CACNA1C: variants seen among roughly 807,000 people sequenced by gnomAD.
The protein encoded by CACNA1C is calcium voltage-gated channel subunit alpha1 C.
A neutral mutation model predicts 229.0 loss-of-function variants in CACNA1C; 30 were observed. That is an observed-to-expected ratio of 0.13 (90% CI 0.10 to 0.18). CACNA1C has a LOEUF of 0.18. Ranked by LOEUF, CACNA1C falls within the 10% of genes least tolerant of loss-of-function variation. CACNA1C has a pLI of 1.00. For missense variants in CACNA1C, 1,658 were observed against 2,845.0 expected, an observed-to-expected ratio of 0.58 and a Z score of 9.49; for synonymous variants, 1,114 against 1,132.5, an observed-to-expected ratio of 0.98 and a Z score of 0.33.
chr12:2,606,117 A>G (rs1240979024), intron 24 of CACNA1C, among the ~76,000 whole-genome samples: 2 of 152,198 alleles, frequency 1.3e-5, no homozygotes, highest in East Asian at 3.9e-4. Context: ...GCGGTGACCT[A>G]TTATCAACAG....
chr12:2,613,931 G>A (rs1339940336), intron 29 of CACNA1C: 1 of 152,286 alleles, frequency 6.6e-6, no homozygotes, highest in Non-Finnish European at 1.5e-5. Flanking sequence ...ATATTTCAAA[G>A]CCTTGAGTCA....
rs993543380 is a variant in CACNA1C, at chr12:2,181,156, G to A, written c.477+60726G>A. Among the ~76,000 whole-genome samples, 1 of 152,134 alleles carries A rather than the reference G, an allele frequency of 6.6e-6. No individual in the cohort carries two copies. On this transcript the variant is annotated intron_variant, in intron 3 of 46. Coordinates refer to ENST00000399655, the MANE Select transcript of CACNA1C (RefSeq NM_000719.7). The surrounding 1 kb of genome is among the most constrained non-coding windows in gnomAD (Gnocchi z 4.0). ...TAGCATAGTGCCTGTGGACAGGAGA[G>A]CCCAGTCCGTGACGGCGGTAACAAT...
At position 2,654,010 on chromosome 12, in the gene CACNA1C, A is replaced by G; in HGVS notation, c.4140+110A>G. 1.2e-6 allele frequency: 1 copy of G among 857,662 alleles called. No individual in the cohort carries two copies. The highest frequency in any genetic ancestry group is 1.9e-6 in the Non-Finnish European group (1 of 535,038). The allele number at this position is 857,662 out of a possible 1,614,324, so 53.1% of individuals were successfully genotyped here. A position where few individuals can be genotyped will look rare whatever the true frequency, so the allele number is the denominator to read the frequency against. ...CCCTCCCTTCTCCCTTTCATTCCTGACTGTCCCTCTCCCTCCTCTTCCATT... is the reference window on the plus strand; with the variant it reads ...CCCTCCCTTCTCCCTTTCATTCCTGGCTGTCCCTCTCCCTCCTCTTCCATT... On this transcript the variant is annotated intron_variant, in intron 33 of 46. Transcript: ENST00000399655. This position sits in a 1 kb window ranked among gnomAD's most constrained non-coding sequence, Gnocchi z 4.4.
intron 3 of CACNA1C, among the ~76,000 whole-genome samples, chr12:2,160,826 T>C (rs2095817547): frequency 6.6e-6 from 1 of 152,170 alleles, no homozygotes; most frequent in South Asian, 2.1e-4. Flanking sequence ...TTTTATTTTA[T>C]TATTATTATT....
At chr12:2,475,973 A>G (rs944049210) in intron 5 of CACNA1C, among the ~76,000 whole-genome samples, 4 of 152,204 alleles carry the variant, frequency 2.6e-5, no homozygotes, top group Non-Finnish European at 4.4e-5. Context: ...CCTTTCTTGC[A>G]TCTTTTGTAT....
At chr12:2,397,308 C>T (rs1329239972) in intron 3 of CACNA1C, among the ~76,000 whole-genome samples, 3 of 152,162 alleles carry the variant, frequency 2.0e-5, no homozygotes, top group Non-Finnish European at 4.4e-5. Flanking sequence ...AATCGAAGTC[C>T]TTGAGTGGTA....
chr12:2,420,477 C>T (rs148007536), intron 3 of CACNA1C, among the ~76,000 whole-genome samples: 14 of 152,310 alleles, frequency 9.2e-5, no homozygotes, highest in Middle Eastern at 3.4e-3. Context: ...TTTCTCCCTG[C>T]ATGCTGTAAC....
intron 9 of CACNA1C, among the ~76,000 whole-genome samples, chr12:2,548,449 A>C (rs2099886869): frequency 6.6e-6 from 1 of 152,154 alleles, no homozygotes; most frequent in Non-Finnish European, 1.5e-5. Flanking sequence ...CTACTTGAAC[A>C]CACCATATGA....
intron 3 of CACNA1C, among the ~76,000 whole-genome samples, chr12:2,389,276 A>G (rs781278692): frequency 6.6e-6 from 1 of 151,196 alleles, no homozygotes. Flanking sequence ...TCACCGGTGC[A>G]CTTGGCAAGC....
chr12:2,141,307 T>C (rs1196481194), intron 3 of CACNA1C, among the ~76,000 whole-genome samples: 1 of 151,176 alleles, frequency 6.6e-6, no homozygotes, highest in East Asian at 1.9e-4. Context: ...GTAGCAGAGA[T>C]AGGCGAGGGT....
Position 2,633,726 on chromosome 12 carries a change from T to C in CACNA1C, c.3829-571T>C. On this transcript the variant is annotated intron_variant, in intron 29 of 46. Coordinates refer to ENST00000399655, the MANE Select transcript of CACNA1C (RefSeq NM_000719.7). This position sits in a 1 kb window ranked among gnomAD's most constrained non-coding sequence, Gnocchi z 5.8. ...AGTGAGACTAATGTGAGTATTACTCTGCCCTCCCCAGGAAACCTCCTCATT... is the reference window on the plus strand; with the variant it reads ...AGTGAGACTAATGTGAGTATTACTCCGCCCTCCCCAGGAAACCTCCTCATT... The C allele has an allele frequency of 1.4e-6, 2 of 1,475,634 alleles. No homozygotes were observed. Among genetic ancestry groups the C allele is most frequent in the Non-Finnish European group, 1.9e-6 (2 of 1,054,380 alleles). The allele number at this position is 1,475,634 out of a possible 1,614,324, so 91.4% of individuals were successfully genotyped here.
intron 39 of CACNA1C, 142 bp from the exon 40 acceptor site, chr12:2,676,952 T>C: frequency 1.5e-6 from 1 of 657,240 alleles, no homozygotes; most frequent in Non-Finnish European, 2.6e-6. Flanking sequence ...TTTTTCTCTC[T>C]TTTTAAGCCA....
At chr12:2,277,491 C>T (rs1245300100) in intron 3 of CACNA1C, among the ~76,000 whole-genome samples, 2 of 151,820 alleles carry the variant, frequency 1.3e-5, no homozygotes, top group African/African-American at 4.8e-5. Context: ...CCAACTGTTG[C>T]TCTCTAACAA....
intron 1 of CACNA1C, among the ~76,000 whole-genome samples, chr12:2,102,791 T>A (rs576182713): frequency 6.6e-6 from 1 of 152,296 alleles, no homozygotes; most frequent in East Asian, 1.9e-4. Flanking sequence ...TGTCCATGTG[T>A]TCTCATTGTT....
At chr12:2,338,143 A>G (rs930042865) in intron 3 of CACNA1C, among the ~76,000 whole-genome samples, 2 of 152,002 alleles carry the variant, frequency 1.3e-5, no homozygotes, top group African/African-American at 4.8e-5. Flanking sequence ...ATGCCACGCC[A>G]ACTTTAGACC....
At chr12:2,555,873 CG>C (rs2043913407) in intron 10 of CACNA1C, among the ~76,000 whole-genome samples, 4 of 152,128 alleles carry the variant, frequency 2.6e-5, no homozygotes, top group Admixed American at 2.6e-4. Context: ...AGCTGTGTGC[CG>C]CGCTGGGACG....
intron 9 of CACNA1C, among the ~76,000 whole-genome samples, chr12:2,549,618 G>C (rs769043996): frequency 6.6e-6 from 1 of 152,182 alleles, no homozygotes; most frequent in African/African-American, 2.4e-5. Flanking sequence ...AGCCTCTACA[G>C]CTTCTTCCAG....
Position 2,597,924 on chromosome 12 carries a change from C to T in CACNA1C, c.2853+635C>T, listed in dbSNP as rs1485927548. Among the ~76,000 whole-genome samples, 3 of 152,198 alleles carry T rather than the reference C, an allele frequency of 2.0e-5. No homozygotes were observed. Among genetic ancestry groups the T allele is most frequent in the Non-Finnish European group, 4.4e-5 (3 of 68,030 alleles). On this transcript the variant is annotated intron_variant, in intron 21 of 46. Transcript: ENST00000399655. The surrounding 1 kb of genome is among the most constrained non-coding windows in gnomAD (Gnocchi z 4.3). Reference sequence around the variant, plus strand: ...TCTGAAAGTGGGAAACCTCCTGGGGCGTGAAAGAATCACTTGAGCTACTCT... The same window carrying T: ...TCTGAAAGTGGGAAACCTCCTGGGGTGTGAAAGAATCACTTGAGCTACTCT...
At chr12:2,282,353 C>T (rs1033330626) in intron 3 of CACNA1C, among the ~76,000 whole-genome samples, 13 of 152,296 alleles carry the variant, frequency 8.5e-5, no homozygotes, top group African/African-American at 3.1e-4. Context: ...CCCAAAGGCA[C>T]TAGACAGCCC....
Sources: gnomAD v4.1 joint callset for allele counts (sites outside exome capture counted in the v4.1 genomes callset) on GRCh38, gnomAD v4.1.1 for gene constraint, Gnocchi (gnomAD v3.1) non-coding constraint, MANE v1.5 for transcripts, NCBI Gene and HGNC (gene_info 2026-07-23, HGNC 2026-07-21) for gene names.